Variants in TNS3 observed in about 807,000 individuals in gnomAD.
TNS3 encodes tensin-3.
A neutral mutation model predicts 140.9 loss-of-function variants in TNS3; 45 were observed. The observed-to-expected ratio is 0.32, with a 90% CI of 0.25 to 0.41. The LOEUF is 0.41. TNS3 is among the 10% of genes least tolerant of loss of function. The pLI is 1.00. For synonymous variants in TNS3, 815 were observed against 788.4 expected (o/e 1.03, Z -0.56); for missense variants, 1,716 against 1,906.7 (o/e 0.90, Z 1.86).
At chr7:47,511,118 G>A (rs543130456) in intron 2 of TNS3, among the ~76,000 whole-genome samples, 19 of 152,308 alleles carry the variant, frequency 1.2e-4, no homozygotes, top group Middle Eastern at 3.4e-3. Flanking sequence ...ATAAAACAGC[G>A]TAGGAAAAAC....
intron 16 of TNS3, among the ~76,000 whole-genome samples, chr7:47,381,634 T>G (rs931898651): frequency 6.6e-6 from 1 of 152,196 alleles, no homozygotes; most frequent in African/African-American, 2.4e-5. Flanking sequence ...GGGCTATAAG[T>G]GCACGCAGAG....
intron 1 of TNS3, chr7:47,579,308 G>GA (rs1236123125): frequency 2.0e-3 from 1 of 504 alleles, no homozygotes; most frequent in Non-Finnish European, 0.012. Context: ...GGAAGGACCC[G>GA]GGGTCCCAGG....
intron 17 of TNS3, among the ~76,000 whole-genome samples, chr7:47,354,034 A>ACACACACACAC (rs1562627682): frequency 3.9e-5 from 5 of 126,638 alleles, no homozygotes; most frequent in African/African-American, 1.5e-4. Context: ...CACACACACA[A>ACACACACACAC]ATTCCAAGGT....
At chr7:47,364,519 T>C (rs1325438036) in intron 17 of TNS3, among the ~76,000 whole-genome samples, 1 of 152,174 alleles carries the variant, frequency 6.6e-6, no homozygotes, top group African/African-American at 2.4e-5. Flanking sequence ...TGACCTCAGG[T>C]GATCTGCCTG....
At chr7:47,544,372 G>A (rs1370234962) in intron 1 of TNS3, among the ~76,000 whole-genome samples, 1 of 152,144 alleles carries the variant, frequency 6.6e-6, no homozygotes, top group African/African-American at 2.4e-5. Flanking sequence ...GGCTCTCTGT[G>A]TGCCTCCAAA....
intron 3 of TNS3, among the ~76,000 whole-genome samples, chr7:47,488,779 A>G (rs2941548): frequency 0.99 from 151,026 of 152,316 alleles, 74,891 homozygotes; most frequent in East Asian, 1. Flanking sequence ...CACACCAACA[A>G]GAGCTGGGTC....
intron 4 of TNS3, among the ~76,000 whole-genome samples, chr7:47,477,071 C>T (rs865996534): frequency 6.6e-6 from 1 of 152,160 alleles, no homozygotes; most frequent in Admixed American, 6.5e-5. Flanking sequence ...ACAAAGGCAC[C>T]CTATGCCTGC....
intron 13 of TNS3, among the ~76,000 whole-genome samples, chr7:47,408,225 C>T (rs1300149958): frequency 2.6e-5 from 4 of 152,030 alleles, no homozygotes; most frequent in Non-Finnish European, 4.4e-5. Flanking sequence ...CACCCACTCA[C>T]GGCCCCTCTC....
intron 1 of TNS3, among the ~76,000 whole-genome samples, chr7:47,530,838 A>AAATATATATATATATAT: frequency 2.0e-4 from 11 of 54,504 alleles, no homozygotes; most frequent in African/African-American, 2.4e-4. Flanking sequence ...AAAAAAAAAA[A>AAATATATATATATATAT]ATATATATAT....
intron 17 of TNS3, among the ~76,000 whole-genome samples, chr7:47,352,454 G>A (rs753123160): frequency 1.3e-5 from 2 of 152,142 alleles, no homozygotes; most frequent in Non-Finnish European, 2.9e-5. Context: ...GCTCACAAAC[G>A]GATGGTCCGT....
At chr7:47,484,167 T>C (rs1272138098) in intron 3 of TNS3, among the ~76,000 whole-genome samples, 1 of 152,068 alleles carries the variant, frequency 6.6e-6, no homozygotes, top group African/African-American at 2.4e-5. Context: ...TGTTACAAAA[T>C]GCAGACAAAA....
chr7:47,401,367 C>T (rs1793154216), intron 13 of TNS3, among the ~76,000 whole-genome samples: 1 of 152,158 alleles, frequency 6.6e-6, no homozygotes, highest in South Asian at 2.1e-4. Flanking sequence ...CAACTTAAAG[C>T]TTTTTGTTTT....
At chr7:47,573,444 T>C (rs2152020851) in intron 1 of TNS3, among the ~76,000 whole-genome samples, 1 of 152,344 alleles carries the variant, frequency 6.6e-6, no homozygotes, top group African/African-American at 2.4e-5. Context: ...TGTCCAGGGC[T>C]TTGCCACAGT....
intron 21 of TNS3, among the ~76,000 whole-genome samples, chr7:47,303,869 G>A (rs564473901): frequency 3.9e-5 from 6 of 152,266 alleles, no homozygotes; most frequent in Admixed American, 3.3e-4. Flanking sequence ...CTGCTCCCTC[G>A]GCCCCTGCGC....
chr7:47,545,319 T>C (rs1799892428), intron 1 of TNS3, among the ~76,000 whole-genome samples: 2 of 152,090 alleles, frequency 1.3e-5, no homozygotes, highest in Non-Finnish European at 2.9e-5. Context: ...TTTGTATTTT[T>C]AGTAGAGACA....
chr7:47,489,519 G>A (rs2151821656), intron 3 of TNS3, among the ~76,000 whole-genome samples: 1 of 152,326 alleles, frequency 6.6e-6, no homozygotes, highest in East Asian at 1.9e-4. Context: ...TACTTAGGCT[G>A]TGTAGCTGTT....
intron 30 of TNS3, 110 bp downstream of exon 30, chr7:47,280,054 G>T: frequency 7.9e-7 from 1 of 1,259,996 alleles, no homozygotes; most frequent in Non-Finnish European, 1.1e-6. Flanking sequence ...AAATTGGCAT[G>T]GTGTAGTCAT....
chr7:47,349,417 G>GT (rs1182258605), intron 17 of TNS3, among the ~76,000 whole-genome samples: 2 of 152,388 alleles, frequency 1.3e-5, no homozygotes, highest in Admixed American at 1.3e-4. Context: ...ACCACCAGGA[G>GT]TAAGATGGTT....
rs371560985 is a variant in TNS3, at chr7:47,506,946, TG to T, written c.-152-3del. 26,614 of 996,768 alleles carry T rather than the reference TG, an allele frequency of 0.027. 8 individuals are homozygous for T. The highest frequency in any genetic ancestry group is 0.043 in the East Asian group (601 of 14,022). The allele number at this position is 996,768 out of a possible 1,614,324, so 61.7% of individuals were successfully genotyped here. ...TCTTGTGGCAGGAATACTTGCAGGCTGGGAAAAAAAAAAAGAGAAAGAATGT... is the reference window on the plus strand; with the variant it reads ...TCTTGTGGCAGGAATACTTGCAGGCTGGAAAAAAAAAAAGAGAAAGAATGT... On this transcript the variant is annotated splice_polypyrimidine_tract_variant and splice_region_variant and intron_variant, in intron 2 of 30. Transcript: ENST00000311160.
Sources: allele counts gnomAD v4.1 joint callset (sites outside exome capture counted in the v4.1 genomes callset), GRCh38; gene constraint gnomAD v4.1.1; transcripts MANE v1.5; gene names NCBI Gene and HGNC (gene_info 2026-07-23, HGNC 2026-07-21).